Variants in PLK4 observed in about 807,000 individuals in gnomAD.
PLK4 encodes polo like kinase 4.
PLK4 carries 51 observed loss-of-function variants against 103.0 expected under a neutral mutation model. The observed-to-expected ratio is 0.50, with a 90% CI of 0.40 to 0.63. PLK4 has a LOEUF of 0.63. Ranked by LOEUF, PLK4 falls within the 20% of genes least tolerant of loss-of-function variation. The pLI, the probability that PLK4 is intolerant of heterozygous loss-of-function variation, is 0.00. For missense variants in PLK4, 1,054 were observed against 1,151.0 expected, an observed-to-expected ratio of 0.92 and a Z score of 1.22; for synonymous variants, 389 against 376.8, an observed-to-expected ratio of 1.03 and a Z score of -0.38.
Position 127,886,234 on chromosome 4 carries a change from C to T in PLK4, c.864C>T (p.Ala288=). ...AAGACTCAATTGATAGTGGGCATGC[C>T]ACAATTTCTACTGCAATTACAGCTT... is the stretch of plus-strand genomic sequence containing the variant. ...TVEDSIDSGH[A]TISTAITASS... Residue 288 remains alanine (A), a synonymous_variant, in exon 5 of 16, where the codon GCC becomes GCT. Coordinates refer to ENST00000270861, the MANE Select transcript of PLK4 (RefSeq NM_014264.5). 2 of 1,614,016 alleles carry T rather than the reference C, an allele frequency of 1.2e-6. No homozygotes were observed. The highest frequency in any genetic ancestry group is 1.7e-6 in the Non-Finnish European group (2 of 1,179,942).
At position 127,885,776 on chromosome 4, in the gene PLK4, G is replaced by A. The variant is rs1735098852; in HGVS notation, c.406G>A (p.Asp136Asn). The change falls in exon 5 of 16, where the codon GAC becomes AAC. Residue 136 changes from aspartate to asparagine, a missense_variant. This residue lies in a region of PLK4 where 199 missense variants were observed against 270.1 expected (regional missense o/e 0.74). Transcript: ENST00000270861. Reference sequence around the variant, plus strand: ...TCATTCTCATGGTATACTACACCGGGACCTCACACTTTCTAACCTCCTACT... The same window carrying A: ...TCATTCTCATGGTATACTACACCGGAACCTCACACTTTCTAACCTCCTACT... ...YLHSHGILHR[D>N]LTLSNLLLTR... 6.2e-7 allele frequency: 1 copy of A among 1,613,384 alleles called. No individual in the cohort carries two copies. The highest frequency in any genetic ancestry group is 8.5e-7 in the Non-Finnish European group (1 of 1,179,424).
rs1192063189 is a variant in PLK4 at position 127,898,646 on chromosome 4, T to G, written c.*105T>G. On this transcript the variant is annotated 3_prime_UTR_variant, in exon 16 of 16. Coordinates refer to ENST00000270861, the MANE Select transcript of PLK4 (RefSeq NM_014264.5). ...ACATAAAGTCTTCAGAAAGCCTTTC[T>G]ATGAAAGAATTTTAACCTATAATGT... 4 of 625,574 alleles carry G rather than the reference T, an allele frequency of 6.4e-6. No homozygotes were observed. The South Asian group carries it at 8.4e-5, about 13-fold the overall frequency. The allele number at this position is 625,574 out of a possible 1,614,324, so 38.8% of individuals were successfully genotyped here.
intron 15 of PLK4, among the ~76,000 whole-genome samples, chr4:127,898,119 A>G (rs1735646729): frequency 6.6e-6 from 1 of 151,972 alleles, no homozygotes; most frequent in Non-Finnish European, 1.5e-5. Flanking sequence ...TACAGGCATT[A>G]ACCACCGCGC....
In PLK4 at chr4:127,887,469, C is replaced by A; in HGVS notation, c.1432C>A (p.Gln478Lys). ...DPTPQTETVQQWFGNLQINAH... is the reference protein window; with the variant it reads ...DPTPQTETVQKWFGNLQINAH... ...GACACCTCAGACTGAAACCGTACAACAGTGGTTTGGGAATCTGCAAATAAA... is the reference window on the plus strand; with the variant it reads ...GACACCTCAGACTGAAACCGTACAAAAGTGGTTTGGGAATCTGCAAATAAA... The change falls in exon 6 of 16, where the codon CAG becomes AAG. Residue 478 changes from glutamine to lysine, a missense_variant. Transcript: ENST00000270861. The A allele has an allele frequency of 6.2e-7, 1 of 1,607,086 alleles. No individual in the cohort carries two copies. The highest frequency in any genetic ancestry group is 8.5e-7 in the Non-Finnish European group (1 of 1,174,590).
At chr4:127,881,397 C>T in intron 1 of PLK4, 2 of 1,419,796 alleles carry the variant, frequency 1.4e-6, no homozygotes, top group Non-Finnish European at 1.8e-6. Flanking sequence ...CCGGCAGTGT[C>T]CCGAGGCACT....
At chr4:127,888,949 C>T (rs531852836) in intron 6 of PLK4, among the ~76,000 whole-genome samples, 1 of 152,032 alleles carries the variant, frequency 6.6e-6, no homozygotes, top group East Asian at 1.9e-4. Flanking sequence ...GATGATAATT[C>T]AGGTTTGTTT....
In PLK4 at chr4:127,891,146, T is replaced by A. The variant is rs1433361409; in HGVS notation, c.1885T>A (p.Ser629Thr). The change falls in exon 8 of 16, where the codon TCT becomes ACT. Residue 629 changes from serine (S) to threonine (T), a missense_variant. Ser to Thr is a moderately conservative substitution (Grantham distance 58). Coordinates refer to ENST00000270861, the MANE Select transcript of PLK4 (RefSeq NM_014264.5). Reference sequence around the variant, plus strand: ...TGTGGAGCTTGTAAAGGAGTATGCATCTCAAGAATATGTGAAAGAAGTTCT... The same window carrying A: ...TGTGGAGCTTGTAAAGGAGTATGCAACTCAAGAATATGTGAAAGAAGTTCT... ...VCVELVKEYA[S>T]QEYVKEVLQI... 3 of 1,598,192 alleles carry A rather than the reference T, an allele frequency of 1.9e-6. No homozygotes were observed. Among genetic ancestry groups the A allele is most frequent in the Non-Finnish European group, 2.6e-6 (3 of 1,168,190 alleles).
Position 127,891,600 on chromosome 4 carries a change from G to T in PLK4, c.1957G>T (p.Gly653Cys), listed in dbSNP as rs145031530. 3.3e-6 allele frequency: 5 copies of T among 1,524,874 alleles called. No individual in the cohort carries two copies. The highest frequency in any genetic ancestry group is 4.5e-6 in the Non-Finnish European group (5 of 1,122,992). 94.5% of individuals were successfully genotyped at this position (1,524,874 alleles called of 1,614,324 possible). ...GCAGATCACTATTTATTATCCAAAT[G>T]GTGGTAGAGGTTTTCCTCTTGCTGA... Reference protein sequence around the residue: ...GNTITIYYPNGGRGFPLADRP... With the variant: ...GNTITIYYPNCGRGFPLADRP... Residue 653 changes from glycine to cysteine, a missense_variant, in exon 9 of 16, where the codon GGT (glycine) becomes TGT (cysteine). Physicochemically the swap from Gly to Cys is radical, Grantham distance 159. Coordinates refer to ENST00000270861, the MANE Select transcript of PLK4 (RefSeq NM_014264.5).
Position 127,896,774 on chromosome 4 carries a change from TCTTACCCATGC to T in PLK4, c.2704-26_2704-16del. ...TGTTTTTTTTTTTTTCTGTGCCTGT[TCTTACCCATGC>T]TTATTATTTTTCTAGTTAACTAGTG... On this transcript the variant is annotated splice_polypyrimidine_tract_variant and intron_variant, in intron 14 of 15. Transcript: ENST00000270861. 3 of 1,367,954 alleles carry T rather than the reference TCTTACCCATGC, an allele frequency of 2.2e-6. No homozygotes were observed. Among genetic ancestry groups the T allele is most frequent in the South Asian group, 2.4e-5 (2 of 84,586 alleles). 84.7% of individuals were successfully genotyped at this position (1,367,954 alleles called of 1,614,324 possible).
Position 127,885,944 on chromosome 4 carries a change from T to G in PLK4, c.574T>G (p.Ser192Ala). ...CACTCGAAGTGCACATGGCCTTGAA[T>G]CTGATGTTTGGTCCCTGGGCTGTAT... ...IATRSAHGLESDVWSLGCMFY... is the reference protein window; with the variant it reads ...IATRSAHGLEADVWSLGCMFY... Residue 192 changes from serine (S) to alanine (A), a missense_variant, in exon 5 of 16, where the codon TCT (serine) becomes GCT (alanine). By Grantham distance (99) the Ser-to-Ala change is moderately conservative. Around this residue, in one of 4 missense-constraint regions of PLK4, gnomAD observed 199 missense variants for 270.1 expected, o/e 0.74. Transcript: ENST00000270861. 6.2e-7 allele frequency: 1 copy of G among 1,614,190 alleles called. No homozygotes were observed. The highest frequency in any genetic ancestry group is 1.1e-5 in the South Asian group (1 of 91,078).
intron 1 of PLK4, chr4:127,881,429 C>T (rs1240603308): frequency 3.6e-6 from 5 of 1,385,340 alleles, no homozygotes; most frequent in East Asian, 2.7e-5. Context: ...TCAGCAATCC[C>T]GCCCGAGCTA....
At chr4:127,894,259 C>T (rs1412767551) in intron 13 of PLK4, among the ~76,000 whole-genome samples, 2 of 151,344 alleles carry the variant, frequency 1.3e-5, no homozygotes, top group Non-Finnish European at 2.9e-5. Context: ...TTTTTTGAGA[C>T]GGAGTCACCC....
In PLK4 at chr4:127,898,406, C is replaced by T. The variant is rs773786655; in HGVS notation, c.2811-33C>T. On this transcript the variant is annotated intron_variant, in intron 15 of 15. Transcript: ENST00000270861. Reference sequence around the variant, plus strand: ...TCATGAGAACCAAGTAATTCAGTTACGATTTTGTCTTTTTTTCTTTTGCTT... The same window carrying T: ...TCATGAGAACCAAGTAATTCAGTTATGATTTTGTCTTTTTTTCTTTTGCTT... The T allele has an allele frequency of 1.5e-5, 15 of 990,948 alleles. No homozygotes were observed. In the Middle Eastern group the frequency reaches 6.3e-4, roughly 41 times the overall value. 61.4% of individuals were successfully genotyped at this position (990,948 alleles called of 1,614,324 possible).
At chr4:127,893,448 C>T (rs1735441714) in intron 11 of PLK4, 30 bp downstream of exon 11, 1 of 1,598,442 alleles carries the variant, frequency 6.3e-7, no homozygotes, top group Non-Finnish European at 8.5e-7. Flanking sequence ...TTTTTCATAC[C>T]AATTAATAAT....
In PLK4 at chr4:127,890,163, C is replaced by T; in HGVS notation, c.1757C>T (p.Thr586Ile). The T allele has an allele frequency of 3.7e-6, 6 of 1,613,546 alleles. No individual in the cohort carries two copies. The highest frequency in any genetic ancestry group is 1.3e-5 in the African/African-American group (1 of 75,016). Reference sequence around the variant, plus strand: ...CCACCATGGGGTTATCAGAATCGTACATTAAGAAGCATTACATCTCCGTTG... The same window carrying T: ...CCACCATGGGGTTATCAGAATCGTATATTAAGAAGCATTACATCTCCGTTG... ...MEPPWGYQNRTLRSITSPLVA... is the reference protein window; with the variant it reads ...MEPPWGYQNRILRSITSPLVA... The change falls in exon 7 of 16, where the codon ACA becomes ATA. Residue 586 changes from threonine (T) to isoleucine (I), a missense_variant. By Grantham distance (89) the Thr-to-Ile change is moderately conservative (BLOSUM62 -1). Around this residue, in one of 4 missense-constraint regions of PLK4, gnomAD observed 680 missense variants for 660.3 expected, o/e 1.03. Transcript: ENST00000270861.
chr4:127,881,298 C>A, intron 1 of PLK4, 134 bp downstream of exon 1: 2 of 1,536,302 alleles, frequency 1.3e-6, no homozygotes, highest in Non-Finnish European at 1.8e-6. Flanking sequence ...AGGGTCCCAA[C>A]GGCCCAGACC....
In PLK4 at chr4:127,893,426, C is replaced by A; in HGVS notation, c.2322+8C>A. The A allele has an allele frequency of 6.2e-7, 1 of 1,602,200 alleles. No individual in the cohort carries two copies. Among genetic ancestry groups the A allele is most frequent in the South Asian group, 1.1e-5 (1 of 88,924 alleles). On this transcript the variant is annotated splice_region_variant and intron_variant, in intron 11 of 15. Transcript: ENST00000270861. ...ATGGACCATGCTAATGAGGTACATA[C>A]CTAATTGTAGGTTTTTCATACCAAT...
intron 10 of PLK4, chr4:127,892,736 T>A (rs373502162): frequency 2.4e-4 from 86 of 362,586 alleles, no homozygotes; most frequent in African/African-American, 1.6e-3. Context: ...ATTAGTCCTC[T>A]TTTTCTACTT....
chr4:127,887,892 AG>A (rs764631819), intron 6 of PLK4, among the ~76,000 whole-genome samples: 162 of 147,262 alleles, frequency 1.1e-3, no homozygotes, highest in Middle Eastern at 3.8e-3. Context: ...AAAAAAAAAA[AG>A]CATTGGCCAG....
Sources: allele counts gnomAD v4.1 joint callset (sites outside exome capture counted in the v4.1 genomes callset), GRCh38; gene constraint gnomAD v4.1.1; regional missense constraint gnomAD v4.1.1; transcripts MANE v1.5; gene names NCBI Gene and HGNC (gene_info 2026-07-23, HGNC 2026-07-21).